The following LUZP2 variants were observed in gnomAD, a reference collection of about 807,000 sequenced individuals.
LUZP2 encodes leucine zipper protein 2.
Under a neutral mutation model 51.6 loss-of-function variants are expected in LUZP2, and 52 were observed. The observed-to-expected ratio is 1.01, with a 90% CI of 0.81 to 1.27. The LOEUF (loss-of-function observed/expected upper bound fraction) is 1.27, where lower values mean the gene tolerates loss of function less well. Ranked by LOEUF, LUZP2 falls within the 50% of genes most tolerant of loss-of-function variation. LUZP2 has a pLI of 0.00. For synonymous variants in LUZP2, 154 were observed against 137.3 expected, an observed-to-expected ratio of 1.12 and a Z score of -0.85; for missense variants, 436 against 395.4, an observed-to-expected ratio of 1.10 and a Z score of -0.87.
At chr11:24,556,707 T>C (rs1405762832) in intron 1 of LUZP2, among the ~76,000 whole-genome samples, 1 of 152,154 alleles carries the variant, frequency 6.6e-6, no homozygotes, top group African/African-American at 2.4e-5. Flanking sequence ...AATTATCAGA[T>C]TTCTTCAATA....
chr11:24,510,051 A>C (rs1392389898), intron 1 of LUZP2, among the ~76,000 whole-genome samples: 1 of 152,182 alleles, frequency 6.6e-6, no homozygotes, highest in Non-Finnish European at 1.5e-5. Flanking sequence ...AGCAATTCAT[A>C]ATAACCTCAT....
intron 1 of LUZP2, among the ~76,000 whole-genome samples, chr11:24,653,612 C>G (rs1195230598): frequency 6.6e-6 from 1 of 152,096 alleles, no homozygotes; most frequent in Non-Finnish European, 1.5e-5. Flanking sequence ...TAGTCTAGAG[C>G]ATAAGAGTGA....
At chr11:24,915,223 G>T (rs1853754437) in intron 7 of LUZP2, among the ~76,000 whole-genome samples, 1 of 151,914 alleles carries the variant, frequency 6.6e-6, no homozygotes. Context: ...TAACAAAAGG[G>T]CCAGAAGCAT....
rs34565471 is a variant in LUZP2 at position 24,807,024 on chromosome 11, C to CAAAA, written c.396+43732_396+43735dup. Reference sequence around the variant, plus strand: ...TTACTATCCCTCAAAGAAAATCCACCAAAAAAAAAAAAAAAAAAAGGAGAG... The same window carrying CAAAA: ...TTACTATCCCTCAAAGAAAATCCACCAAAAAAAAAAAAAAAAAAAAAAAGGAGAG... On this transcript the variant is annotated intron_variant, in intron 5 of 11. Transcript: ENST00000336930. Among the ~76,000 whole-genome samples the CAAAA allele has an allele frequency of 1.3e-3, 141 of 110,222 alleles. 1 individual carries two copies. Among genetic ancestry groups the CAAAA allele is most frequent in the East Asian group, 9.3e-3 (34 of 3,652 alleles). 72.3% of individuals were successfully genotyped at this position (110,222 alleles called of 152,430 possible). A position where few individuals can be genotyped will look rare whatever the true frequency, so the allele number is the denominator to read the frequency against.
At chr11:24,569,341 T>C (rs918156702) in intron 1 of LUZP2, among the ~76,000 whole-genome samples, 3 of 152,060 alleles carry the variant, frequency 2.0e-5, no homozygotes, top group African/African-American at 7.2e-5. Flanking sequence ...TAAATCCTTT[T>C]TATATTGATA....
At chr11:24,735,606 A>G (rs1027052861) in intron 3 of LUZP2, among the ~76,000 whole-genome samples, 9 of 151,984 alleles carry the variant, frequency 5.9e-5, no homozygotes, top group Admixed American at 2.0e-4. Context: ...GATAGTCACT[A>G]GAAAGAAATG....
At chr11:24,960,255 C>T (rs1386681239) in intron 7 of LUZP2, among the ~76,000 whole-genome samples, 1 of 152,198 alleles carries the variant, frequency 6.6e-6, no homozygotes, top group Non-Finnish European at 1.5e-5. Flanking sequence ...CAGGATGATG[C>T]TGGCCTCTTA....
intron 1 of LUZP2, among the ~76,000 whole-genome samples, chr11:24,530,547 A>G (rs1850959388): frequency 6.6e-6 from 1 of 150,912 alleles, no homozygotes; most frequent in South Asian, 2.1e-4. Context: ...ACTAAAAATT[A>G]TTGTTAAAAA....
intron 5 of LUZP2, among the ~76,000 whole-genome samples, chr11:24,877,497 C>A (rs529422608): frequency 1.3e-5 from 2 of 152,052 alleles, no homozygotes; most frequent in South Asian, 4.2e-4. Context: ...TTGTGGGGTA[C>A]ATGAGATGTT....
At chr11:24,528,553 A>G (rs1293794545) in intron 1 of LUZP2, among the ~76,000 whole-genome samples, 4 of 151,334 alleles carry the variant, frequency 2.6e-5, no homozygotes, top group Non-Finnish European at 4.4e-5. Flanking sequence ...CACGTGCACA[A>G]CGTACAGGTT....
intron 5 of LUZP2, among the ~76,000 whole-genome samples, chr11:24,817,322 A>T (rs1007468660): frequency 6.6e-6 from 1 of 152,098 alleles, no homozygotes; most frequent in African/African-American, 2.4e-5. Context: ...TTTATGCAAA[A>T]ACTCCAATTT....
At chr11:24,605,261 G>A (rs1229063730) in intron 1 of LUZP2, among the ~76,000 whole-genome samples, 1 of 151,654 alleles carries the variant, frequency 6.6e-6, no homozygotes, top group East Asian at 1.9e-4. Flanking sequence ...TTTACATAAA[G>A]AGCTCCTTTT....
At chr11:24,866,206 A>T (rs913898335) in intron 5 of LUZP2, among the ~76,000 whole-genome samples, 3 of 151,926 alleles carry the variant, frequency 2.0e-5, no homozygotes, top group Non-Finnish European at 2.9e-5. Context: ...ACAAATCTTC[A>T]TGAACACTCC....
Position 25,078,573 on chromosome 11 carries a change from G to A in LUZP2, c.956G>A (p.Cys319Tyr). 6.2e-7 allele frequency: 1 copy of A among 1,612,282 alleles called. No homozygotes were observed. The highest frequency in any genetic ancestry group is 1.1e-5 in the South Asian group (1 of 90,660). The change falls in exon 12 of 12, where the codon TGC becomes TAC. Residue 319 changes from cysteine to tyrosine, a missense_variant. Physicochemically the swap from Cys to Tyr is radical, Grantham distance 194 (BLOSUM62 -2). Coordinates refer to ENST00000336930, the MANE Select transcript of LUZP2 (RefSeq NM_001009909.4). ...TAACAGAAATTGCAAATGCCTCCTT[G>A]CTCTGAATGTGAGGTGAAAAAAGCC... ...PIPQKLQMPPCSECEVKKAPE... is the reference protein window; with the variant it reads ...PIPQKLQMPPYSECEVKKAPE...
chr11:24,911,041 T>C (rs557667721), intron 6 of LUZP2, among the ~76,000 whole-genome samples: 1 of 152,272 alleles, frequency 6.6e-6, no homozygotes, highest in East Asian at 1.9e-4. Context: ...ATTTTGGAAC[T>C]TTAAGGTTTA....
intron 1 of LUZP2, among the ~76,000 whole-genome samples, chr11:24,712,802 T>C (rs1006212335): frequency 9.9e-5 from 15 of 152,222 alleles, no homozygotes; most frequent in African/African-American, 3.6e-4. Flanking sequence ...TTCAGACCTC[T>C]TATTTTCTTT....
At chr11:24,729,103 A>G (rs1163525082) in intron 1 of LUZP2, 66 bp from the exon 2 acceptor site, 6 of 653,368 alleles carry the variant, frequency 9.2e-6, no homozygotes, top group Non-Finnish European at 1.2e-5. Flanking sequence ...TGTGAGTGTT[A>G]GTGATTATGA....
intron 1 of LUZP2, among the ~76,000 whole-genome samples, chr11:24,601,946 G>GTATAAATGTATATATGTATATATA (rs1565019772): frequency 6.3e-5 from 8 of 127,760 alleles, no homozygotes; most frequent in African/African-American, 1.9e-4. Flanking sequence ...ATGTATATAT[G>GTATAAATGTATATATGTATATATA]TATAAATGTA....
chr11:24,701,785 T>G (rs922369487), intron 1 of LUZP2, among the ~76,000 whole-genome samples: 2 of 152,152 alleles, frequency 1.3e-5, no homozygotes, highest in African/African-American at 2.4e-5. Flanking sequence ...CAGAAAAAAC[T>G]CCCATAATAT....
Sources: allele counts gnomAD v4.1 joint callset (sites outside exome capture counted in the v4.1 genomes callset), GRCh38; gene constraint gnomAD v4.1.1; transcripts MANE v1.5; gene names NCBI Gene and HGNC (gene_info 2026-07-23, HGNC 2026-07-21).